Variants in STOX2 observed in about 807,000 individuals in gnomAD.
The protein encoded by STOX2 is storkhead-box protein 2.
In STOX2, 28 loss-of-function variants were observed where a neutral mutation model predicts 60.9. That is an observed-to-expected ratio of 0.46 (90% CI 0.34 to 0.63). The LOEUF is 0.63. Ranked by LOEUF, STOX2 falls within the 30% of genes least tolerant of loss-of-function variation. The pLI is 0.01. For synonymous variants in STOX2, 472 were observed against 463.9 expected, an observed-to-expected ratio of 1.02 and a Z score of -0.22; for missense variants, 1,024 against 1,187.7, an observed-to-expected ratio of 0.86 and a Z score of 2.03.
chr4:183,842,946 A>G (rs1739897698), intron 1 of STOX2, among the ~76,000 whole-genome samples: 2 of 152,054 alleles, frequency 1.3e-5, no homozygotes, highest in South Asian at 4.1e-4. Context: ...TCAGGAGTTC[A>G]AGACCAGCCT....
At chr4:183,903,550 A>T (rs1480879415), upstream of STOX2, among the ~76,000 whole-genome samples, 3 of 152,184 alleles carry the variant, frequency 2.0e-5, no homozygotes, top group East Asian at 5.8e-4. Flanking sequence ...CCCAGCACCC[A>T]TCCCAGGGCT....
At chr4:183,897,221 G>A (rs1741358004) in intron 1 of STOX2, among the ~76,000 whole-genome samples, 1 of 152,150 alleles carries the variant, frequency 6.6e-6, no homozygotes, top group South Asian at 2.1e-4. Flanking sequence ...ATCAACTATT[G>A]TTTCATTCCG....
chr4:183,841,539 T>G (rs1010504893), intron 1 of STOX2, among the ~76,000 whole-genome samples: 6 of 152,152 alleles, frequency 3.9e-5, no homozygotes, highest in Non-Finnish European at 1.5e-5. Context: ...ATCAGAACCC[T>G]TGGTAGCGTG....
At chr4:183,804,717 A>G (rs990181862) in intron 1 of STOX2, among the ~76,000 whole-genome samples, 5 of 152,262 alleles carry the variant, frequency 3.3e-5, no homozygotes, top group Non-Finnish European at 5.9e-5. Context: ...CTAGCTAGTC[A>G]TAAAAACCAT....
At chr4:183,898,739 A>AG (rs2111071177) in intron 1 of STOX2, among the ~76,000 whole-genome samples, 1 of 152,262 alleles carries the variant, frequency 6.6e-6, no homozygotes, top group Non-Finnish European at 1.5e-5. Context: ...AAGAGTTTTA[A>AG]GGGGAGAGAG....
At chr4:183,853,232 G>A (rs1210471421) in intron 1 of STOX2, among the ~76,000 whole-genome samples, 1 of 152,222 alleles carries the variant, frequency 6.6e-6, no homozygotes, top group Non-Finnish European at 1.5e-5. Flanking sequence ...AAAGGAGATT[G>A]TCTTCATTGT....
intron 2 of STOX2, among the ~76,000 whole-genome samples, chr4:184,008,357 A>G (rs1023049536): frequency 6.6e-6 from 1 of 152,226 alleles, no homozygotes; most frequent in Non-Finnish European, 1.5e-5. Context: ...CAATCATACA[A>G]AGAAGCTTTC....
intron 1 of STOX2, among the ~76,000 whole-genome samples, chr4:183,978,608 T>A (rs4241782): frequency 0.52 from 78,962 of 152,032 alleles, 20,556 homozygotes; most frequent in African/African-American, 0.56. Flanking sequence ...GATGAAGTTA[T>A]ATGTATCCTT....
chr4:183,998,907 C>G (rs186209725), intron 1 of STOX2, among the ~76,000 whole-genome samples: 1 of 152,120 alleles, frequency 6.6e-6, no homozygotes, highest in East Asian at 2.0e-4. Flanking sequence ...GTAATTCCAG[C>G]GCTTTAAGAG....
intron 1 of STOX2, among the ~76,000 whole-genome samples, chr4:183,989,404 A>G (rs958053590): frequency 1.3e-5 from 2 of 151,886 alleles, no homozygotes; most frequent in African/African-American, 4.8e-5. Context: ...GTTTCTCCAC[A>G]TTGGTTAGGC....
At chr4:184,016,217 C>T (rs10026246) in intron 3 of STOX2, 62,772 of 151,984 alleles carry the variant, frequency 0.41, 13,945 homozygotes, top group East Asian at 0.63. Context: ...GAAAATTAGC[C>T]GGGTGTGGTG....
intron 1 of STOX2, among the ~76,000 whole-genome samples, chr4:183,883,126 AC>A (rs2111174297): frequency 6.6e-6 from 1 of 150,978 alleles, no homozygotes; most frequent in African/African-American, 2.4e-5. Flanking sequence ...ATCCCCATCT[AC>A]TCCCTCCTCC....
chr4:183,802,268 G>T (rs1247285164), intron 1 of STOX2, among the ~76,000 whole-genome samples: 1 of 152,198 alleles, frequency 6.6e-6, no homozygotes, highest in Admixed American at 6.5e-5. Context: ...AAATTGTTTA[G>T]AACACATGGG....
At chr4:183,965,226 C>T (rs761862397) in intron 1 of STOX2, among the ~76,000 whole-genome samples, 65 of 152,274 alleles carry the variant, frequency 4.3e-4, no homozygotes, top group African/African-American at 1.4e-3. Flanking sequence ...GATATTAGAA[C>T]GACATTTGAA....
chr4:183,818,225 TAGGCAGA>T (rs1739198170), intron 1 of STOX2, among the ~76,000 whole-genome samples: 1 of 152,036 alleles, frequency 6.6e-6, no homozygotes, highest in African/African-American at 2.4e-5. Context: ...CTGGTTTTCC[TAGGCAGA>T]GGACCCTGCG....
In STOX2 at chr4:184,011,188, G is replaced by A; in HGVS notation, c.2350G>A (p.Glu784Lys). The A allele has an allele frequency of 6.3e-7, 1 of 1,596,502 alleles. No homozygotes were observed. The highest frequency in any genetic ancestry group is 8.5e-7 in the Non-Finnish European group (1 of 1,172,728). The stretch of plus-strand genomic sequence containing the variant: ...CGTCTCTGATGATGACGACTCTGAG[G>A]AAGGGGCAAACAAGAACACAGAGGA... ...YNVSDDDDSE[E>K]GANKNTEEEK... Residue 784 changes from glutamate to lysine, a missense_variant, in exon 3 of 4, where the codon GAA becomes AAA. Around this residue, in one of 3 missense-constraint regions of STOX2, gnomAD observed 922 missense variants for 1,058.3 expected, o/e 0.87. Transcript: ENST00000308497. The surrounding 1 kb of genome is among the most constrained non-coding windows in gnomAD (Gnocchi z 4.4).
intron 2 of STOX2, among the ~76,000 whole-genome samples, chr4:184,006,685 CAAAAAAAAAA>C (rs1199363509): frequency 2.6e-5 from 2 of 76,540 alleles, no homozygotes; most frequent in African/African-American, 5.6e-5. Flanking sequence ...GACCCTGTCT[CAAAAAAAAAA>C]AAAAAAAAAG....
chr4:184,005,673 C>T (rs1277700971), intron 2 of STOX2, among the ~76,000 whole-genome samples: 2 of 152,124 alleles, frequency 1.3e-5, no homozygotes, highest in Admixed American at 6.5e-5. Flanking sequence ...AATATGCAAA[C>T]GTTAAACATC....
chr4:183,826,369 A>T (rs988013069), intron 1 of STOX2, among the ~76,000 whole-genome samples: 3 of 152,052 alleles, frequency 2.0e-5, no homozygotes, highest in Admixed American at 2.0e-4. Context: ...TGGCTTGCTC[A>T]TCTATCTCAG....
Sources: gnomAD v4.1 joint callset for allele counts (sites outside exome capture counted in the v4.1 genomes callset) on GRCh38, gnomAD v4.1.1 for gene constraint, gnomAD v4.1.1 regional missense constraint, Gnocchi (gnomAD v3.1) non-coding constraint, MANE v1.5 for transcripts, NCBI Gene and HGNC (gene_info 2026-07-23, HGNC 2026-07-21) for gene names.